The following UBR1 variants were observed in gnomAD, a reference collection of about 807,000 sequenced individuals.
The protein encoded by UBR1 is E3 ubiquitin-protein ligase UBR1.
In UBR1, 102 loss-of-function variants were observed where a neutral mutation model predicts 242.1. The observed-to-expected ratio is 0.42, with a 90% CI of 0.36 to 0.50. The LOEUF (loss-of-function observed/expected upper bound fraction) is 0.50. Among genes scored for constraint, UBR1 ranks in the 20% least tolerant of loss-of-function variants. The pLI is 0.01. For synonymous variants in UBR1, 675 were observed against 684.8 expected (o/e 0.99, Z 0.22); for missense variants, 1,772 against 2,101.8 (o/e 0.84, Z 3.07).
intron 46 of UBR1, among the ~76,000 whole-genome samples, chr15:42,948,627 G>C (rs985020898): frequency 7.3e-5 from 11 of 151,638 alleles, no homozygotes; most frequent in Admixed American, 3.9e-4. Context: ...CAAAGGACAT[G>C]AACAGACACT....
chr15:43,002,807 G>A (rs1178210389), intron 31 of UBR1, 103 bp from the exon 32 acceptor site: 6 of 1,471,596 alleles, frequency 4.1e-6, no homozygotes, highest in Non-Finnish European at 5.6e-6. Flanking sequence ...TGGAATTTTT[G>A]CCCCAATAAA....
Position 42,945,224 on chromosome 15 carries a change from A to G in UBR1, c.*105T>C, listed in dbSNP as rs2031711769. On this transcript the variant is annotated 3_prime_UTR_variant, in exon 47 of 47. Transcript: ENST00000290650. Reference sequence around the variant, plus strand: ...ATGTAAGTGAACCTGGACATGGAGCAAAAGACCCTCCAATACTTTCCCAGC... The same window carrying G: ...ATGTAAGTGAACCTGGACATGGAGCGAAAGACCCTCCAATACTTTCCCAGC... The G allele has an allele frequency of 6.6e-7, 1 of 1,509,182 alleles. No individual in the cohort carries two copies. Among genetic ancestry groups the G allele is most frequent in the Non-Finnish European group, 9.1e-7 (1 of 1,095,102 alleles). 93.5% of individuals were successfully genotyped at this position (1,509,182 alleles called of 1,614,324 possible). A position where few individuals can be genotyped will look rare whatever the true frequency, so the allele number is the denominator to read the frequency against.
chr15:42,972,111 T>G (rs970703722), intron 39 of UBR1, among the ~76,000 whole-genome samples: 1 of 152,358 alleles, frequency 6.6e-6, no homozygotes, highest in East Asian at 1.9e-4. Flanking sequence ...ATGACATGCA[T>G]GCACCATTGT....
chr15:42,992,648 G>A (rs1319039406), intron 33 of UBR1, among the ~76,000 whole-genome samples: 1 of 152,180 alleles, frequency 6.6e-6, no homozygotes, highest in Non-Finnish European at 1.5e-5. Context: ...CAGCTTGGAG[G>A]TGAGCCCAGG....
At chr15:42,974,062 G>A (rs1344174602) in intron 39 of UBR1, among the ~76,000 whole-genome samples, 2 of 151,592 alleles carry the variant, frequency 1.3e-5, no homozygotes, top group African/African-American at 4.8e-5. Flanking sequence ...CTAATTTTTT[G>A]TATTTTTAGT....
At chr15:42,986,083 C>T (rs1290083335) in intron 35 of UBR1, among the ~76,000 whole-genome samples, 2 of 151,480 alleles carry the variant, frequency 1.3e-5, no homozygotes, top group Non-Finnish European at 2.9e-5. Context: ...GTATTTATTC[C>T]TAAATTACTC....
intron 28 of UBR1, among the ~76,000 whole-genome samples, chr15:43,016,346 G>T (rs577005656): frequency 7.9e-5 from 12 of 152,130 alleles, no homozygotes; most frequent in African/African-American, 2.4e-4. Context: ...GTGTTTTACT[G>T]AACATGTAAT....
intron 40 of UBR1, 105 bp from the exon 41 acceptor site, chr15:42,966,391 T>G: frequency 6.9e-7 from 1 of 1,459,484 alleles, no homozygotes; most frequent in South Asian, 1.2e-5. Context: ...TTTAGGTAAT[T>G]TATTATCCAT....
intron 46 of UBR1, among the ~76,000 whole-genome samples, chr15:42,947,148 A>G (rs1478212384): frequency 1.3e-5 from 2 of 151,850 alleles, no homozygotes; most frequent in African/African-American, 4.8e-5. Flanking sequence ...AAAAACAAAG[A>G]AAAAAAAAGT....
At chr15:43,094,156 G>C (rs1004915999) in intron 1 of UBR1, among the ~76,000 whole-genome samples, 2 of 152,070 alleles carry the variant, frequency 1.3e-5, no homozygotes, top group African/African-American at 4.8e-5. Flanking sequence ...TTCTGAAAAG[G>C]CGTGGTGGCT....
intron 15 of UBR1, among the ~76,000 whole-genome samples, chr15:43,039,116 G>A (rs1053472611): frequency 6.6e-6 from 1 of 151,152 alleles, no homozygotes; most frequent in Non-Finnish European, 1.5e-5. Context: ...TATTAAAAAG[G>A]CATTTTTAAT....
chr15:42,994,161 T>A (rs72721511), intron 33 of UBR1, among the ~76,000 whole-genome samples: 1 of 152,138 alleles, frequency 6.6e-6, no homozygotes, highest in East Asian at 1.9e-4. Context: ...TTTTATTGTA[T>A]TGTGGATAGT....
rs930861312 is a variant in UBR1 at position 43,058,385 on chromosome 15, T to C, written c.1138A>G (p.Met380Val). ...LHELIFSSFF[M>V]EMEYKKLFAM... ...AAGAGTTTTTTGTATTCCATCTCCA[T>C]AAAAAAACTGCTGAAGATCAATTCA... is the stretch of plus-strand genomic sequence containing the variant. The change falls in exon 10 of 47, where the codon ATG becomes GTG. Residue 380 changes from methionine (M) to valine (V), a missense_variant. This residue lies in a region of UBR1 where 734 missense variants were observed against 893.3 expected (regional missense o/e 0.82). Coordinates refer to ENST00000290650, the MANE Select transcript of UBR1 (RefSeq NM_174916.3). The C allele has an allele frequency of 1.8e-5, 29 of 1,610,998 alleles. No individual in the cohort carries two copies. The highest frequency in any genetic ancestry group is 2.2e-5 in the Non-Finnish European group (26 of 1,178,596).
intron 41 of UBR1, among the ~76,000 whole-genome samples, chr15:42,965,205 T>C (rs562923460): frequency 6.6e-6 from 1 of 152,290 alleles, no homozygotes; most frequent in South Asian, 2.1e-4. Context: ...AAGAAGCTGA[T>C]AGCCAGTAAC....
Position 42,950,297 on chromosome 15 carries a change from G to A in UBR1, c.5073C>T (p.Tyr1691=). 1.2e-6 allele frequency: 2 copies of A among 1,614,116 alleles called. No individual in the cohort carries two copies. Among genetic ancestry groups the A allele is most frequent in the Non-Finnish European group, 1.7e-6 (2 of 1,180,010 alleles). Residue 1691 remains tyrosine (Y), a synonymous_variant, in exon 46 of 47, where the codon TAC becomes TAT. Coordinates refer to ENST00000290650, the MANE Select transcript of UBR1 (RefSeq NM_174916.3). ...GGTCTGTTTCTCCATATTCATCCAAGTAAGGAGCTGGATAGGCACAGCCTC... is the reference window on the plus strand; with the variant it reads ...GGTCTGTTTCTCCATATTCATCCAAATAAGGAGCTGGATAGGCACAGCCTC... ...KARGCAYPAP[Y]LDEYGETDPG...
chr15:42,979,709 C>T (rs989675022), intron 37 of UBR1, among the ~76,000 whole-genome samples: 1 of 152,064 alleles, frequency 6.6e-6, no homozygotes, highest in Non-Finnish European at 1.5e-5. Context: ...TGCCACAATG[C>T]CCAGCTAATT....
chr15:43,048,588 T>G lies in UBR1; in HGVS notation c.1440-97A>C, dbSNP rs2033514728. ...AGACAATGTTGATTTATAAAAATTA[T>G]GGATTCTAATTTCTCACAATAATTA... is the stretch of plus-strand genomic sequence containing the variant. On this transcript the variant is annotated intron_variant, in intron 12 of 46. Transcript: ENST00000290650. The G allele has an allele frequency of 4.3e-6, 4 of 927,156 alleles. No individual in the cohort carries two copies. In the South Asian group the frequency reaches 4.6e-5, roughly 11 times the overall value. The allele number at this position is 927,156 out of a possible 1,614,324, so 57.4% of individuals were successfully genotyped here.
rs539410865 is a variant in UBR1 at position 43,018,342 on chromosome 15, T to A, written c.2941-1161A>T. ...CCACAACAGCTTATACAGAACTGCC[T>A]CATTCTTATTAACAAAGCTCATGGT... On this transcript the variant is annotated intron_variant, in intron 27 of 46. Transcript: ENST00000290650. 1.3e-4 allele frequency among the ~76,000 whole-genome samples: 20 copies of A among 152,240 alleles called. No individual in the cohort carries two copies. In the East Asian group the frequency reaches 2.9e-3, roughly 22 times the overall value.
chr15:43,054,922 T>A (rs1435171426), intron 11 of UBR1, 23 bp from the exon 12 acceptor site: 2 of 1,613,606 alleles, frequency 1.2e-6, no homozygotes, highest in South Asian at 2.2e-5. Context: ...TCAAGAATAT[T>A]TTCTTTAGCA....
Sources: gnomAD v4.1 joint callset for allele counts (sites outside exome capture counted in the v4.1 genomes callset) on GRCh38, gnomAD v4.1.1 for gene constraint, gnomAD v4.1.1 regional missense constraint, MANE v1.5 for transcripts, NCBI Gene and HGNC (gene_info 2026-07-23, HGNC 2026-07-21) for gene names.